The following ST7L variants were observed in gnomAD, a reference collection of about 807,000 sequenced individuals.
ST7L encodes the protein suppression of tumorigenicity 7 like.
ST7L carries 57 observed loss-of-function variants against 72.5 expected under a neutral mutation model. That is an observed-to-expected ratio of 0.79 (90% CI 0.64 to 0.98). ST7L has a LOEUF of 0.98. ST7L is among the 50% of genes least tolerant of loss of function. The pLI, the probability that ST7L is intolerant of heterozygous loss-of-function variation, is 0.00. For synonymous variants in ST7L, 221 were observed against 240.9 expected, an observed-to-expected ratio of 0.92 and a Z score of 0.77; for missense variants, 576 against 672.2, an observed-to-expected ratio of 0.86 and a Z score of 1.58.
intron 4 of ST7L, among the ~76,000 whole-genome samples, chr1:112,600,585 G>A (rs1667232318): frequency 2.0e-5 from 3 of 151,648 alleles, no homozygotes; most frequent in African/African-American, 7.3e-5. Flanking sequence ...GACAGGGCAA[G>A]ACTCTATCTC....
rs1663208469 is a variant in ST7L, at chr1:112,577,023, A to G, written c.1208T>C (p.Ile403Thr). 1.2e-6 allele frequency: 2 copies of G among 1,610,338 alleles called. No individual in the cohort carries two copies. The highest frequency in any genetic ancestry group is 1.1e-5 in the South Asian group (1 of 90,454). Residue 403 changes from isoleucine (I) to threonine (T), a missense_variant, in exon 11 of 15, where the codon ATT becomes ACT. Physicochemically the swap from Ile to Thr is moderately conservative, Grantham distance 89. Coordinates refer to ENST00000358039, the MANE Select transcript of ST7L (RefSeq NM_017744.5). ...AGGATTAAATTCCACAGCTCTATGA[A>G]TTGCTTCCACGGCATTAATTTCTGC... ...STAEINAVEA[I>T]HRAVEFNPHV...
chr1:112,573,984 G>A (rs1306260399), intron 11 of ST7L, among the ~76,000 whole-genome samples: 4 of 137,686 alleles, frequency 2.9e-5, no homozygotes, highest in African/African-American at 5.7e-5. Context: ...GTGCGATCTC[G>A]GCTCACTGCA....
intron 2 of ST7L, among the ~76,000 whole-genome samples, chr1:112,613,632 C>T (rs565429961): frequency 1.4e-4 from 21 of 152,268 alleles, no homozygotes; most frequent in Non-Finnish European, 4.4e-5. Flanking sequence ...GGTAATAATA[C>T]AGTTTAACCT....
At chr1:112,541,037 C>A (rs1015980082) in intron 14 of ST7L, among the ~76,000 whole-genome samples, 1 of 152,186 alleles carries the variant, frequency 6.6e-6, no homozygotes, top group Admixed American at 6.5e-5. Context: ...GTAATCCCAG[C>A]ACTTTGGGAG....
chr1:112,553,903 C>G (rs1258989984), intron 12 of ST7L, among the ~76,000 whole-genome samples: 1 of 152,198 alleles, frequency 6.6e-6, no homozygotes, highest in Non-Finnish European at 1.5e-5. Flanking sequence ...AGGTCTTACT[C>G]TGTCACCCAA....
rs1570603074 is a variant in ST7L, at chr1:112,605,256, A to G, written c.452-4408T>C. Among the ~76,000 whole-genome samples the G allele has an allele frequency of 2.0e-5, 3 of 148,486 alleles. No homozygotes were observed. In the South Asian group the frequency reaches 6.4e-4, roughly 32 times the overall value. On this transcript the variant is annotated intron_variant, in intron 3 of 14. Coordinates refer to ENST00000358039, the MANE Select transcript of ST7L (RefSeq NM_017744.5). ...AACTACAAAAAAATTAGCTGGGTGC[A>G]GTGGCAGGTGCCCGTAATAACAGCT...
intron 14 of ST7L, among the ~76,000 whole-genome samples, chr1:112,538,151 A>G (rs1655505127): frequency 1.3e-5 from 2 of 152,230 alleles, no homozygotes; most frequent in Admixed American, 1.3e-4. Flanking sequence ...TAGAACAAGT[A>G]TGTCTCAAAG....
intron 14 of ST7L, chr1:112,540,586 C>A (rs1057047746): frequency 1.0e-5 from 10 of 985,400 alleles, no homozygotes; most frequent in Non-Finnish European, 1.2e-5. Flanking sequence ...AGGCCTACAG[C>A]CAGTGGCAAC....
downstream of ST7L, chr1:112,523,511 T>C (rs1652994733): frequency 6.6e-6 from 1 of 152,184 alleles, no homozygotes; most frequent in Non-Finnish European, 1.5e-5. Flanking sequence ...AAATAGACAC[T>C]AATTTATTTG....
At chr1:112,619,513 TAGG>T, upstream of ST7L, 1 of 523,874 alleles carries the variant, frequency 1.9e-6, no homozygotes, top group Non-Finnish European at 3.4e-6. Context: ...GAAAAACTTG[TAGG>T]AGTAGCAACA....
chr1:112,619,314 G>A, upstream of ST7L: 1 of 608,908 alleles, frequency 1.6e-6, no homozygotes, highest in Non-Finnish European at 2.9e-6. Context: ...CAGGGAAGGG[G>A]CGGACAGCAG....
chr1:112,539,655 CA>C (rs11372554), intron 14 of ST7L: 111,873 of 734,064 alleles, frequency 0.15, 52 homozygotes, highest in South Asian at 0.18. Context: ...GACTCTGTTT[CA>C]AAAAAAAAAA....
At chr1:112,574,326 C>G (rs1370890276) in intron 11 of ST7L, among the ~76,000 whole-genome samples, 6 of 150,700 alleles carry the variant, frequency 4.0e-5, no homozygotes, top group Non-Finnish European at 8.9e-5. Context: ...AAGCAATTCT[C>G]CTGCCTCAGC....
chr1:112,577,219 T>G (rs1299201905), intron 10 of ST7L, 131 bp from the exon 11 acceptor site: 6 of 392,498 alleles, frequency 1.5e-5, no homozygotes, highest in Non-Finnish European at 2.5e-5. Flanking sequence ...GCCAGAGGAC[T>G]AACAAAAAAA....
At chr1:112,543,569 TAATA>T (rs1178103215) in intron 13 of ST7L, among the ~76,000 whole-genome samples, 7 of 149,984 alleles carry the variant, frequency 4.7e-5, no homozygotes, top group Non-Finnish European at 7.4e-5. Flanking sequence ...GTAAATTAAT[TAATA>T]AATAAAGTAG....
rs751589120 is a variant in ST7L at position 112,540,912 on chromosome 1, TA to T, written c.1629+1038del. The stretch of plus-strand genomic sequence containing the variant: ...AAGATGTACAAGAAAGATGCATTTT[TA>T]AAAAGGCTTGGAGACTTAAAGGCAA... On this transcript the variant is annotated intron_variant, in intron 14 of 14. Transcript: ENST00000358039. 29 of 1,193,284 alleles carry T rather than the reference TA, an allele frequency of 2.4e-5. No individual in the cohort carries two copies. In the South Asian group the frequency reaches 2.8e-4, roughly 12 times the overall value. 73.9% of individuals were successfully genotyped at this position (1,193,284 alleles called of 1,614,324 possible).
rs977926906 is a variant in ST7L, at chr1:112,525,062, A to C, written c.*951T>G. 6.6e-6 allele frequency: 1 copy of C among 152,236 alleles called. No homozygotes were observed. The allele number at this position is 152,236 out of a possible 1,614,324, so 9.4% of individuals were successfully genotyped here. On this transcript the variant is annotated 3_prime_UTR_variant, in exon 15 of 15. Coordinates refer to ENST00000358039, the MANE Select transcript of ST7L (RefSeq NM_017744.5). ...TGGTGAAGAATTACCATCAAAGCAG[A>C]GTGGCTGAGACTGTATAAGTTCGCA...
At chr1:112,596,195 T>C (rs1010701882) in intron 5 of ST7L, among the ~76,000 whole-genome samples, 2 of 152,260 alleles carry the variant, frequency 1.3e-5, no homozygotes, top group African/African-American at 4.8e-5. Flanking sequence ...TACTCCTTTA[T>C]TGCAATTAAA....
intron 14 of ST7L, chr1:112,530,260 T>C (rs1039118440): frequency 6.6e-6 from 1 of 152,240 alleles, no homozygotes; most frequent in Non-Finnish European, 1.5e-5. Flanking sequence ...TACAACTCTC[T>C]AGTATTATTA....
Sources: allele counts gnomAD v4.1 joint callset (sites outside exome capture counted in the v4.1 genomes callset), GRCh38; gene constraint gnomAD v4.1.1; transcripts MANE v1.5; gene names NCBI Gene and HGNC (gene_info 2026-07-23, HGNC 2026-07-21).